The following GABRB1 variants were observed in gnomAD, a reference collection of about 807,000 sequenced individuals.
GABRB1 encodes gamma-aminobutyric acid type A receptor subunit beta1.
GABRB1 carries 17 observed loss-of-function variants against 51.6 expected under a neutral mutation model. The observed-to-expected ratio is 0.33, with a 90% CI of 0.23 to 0.49. The LOEUF (loss-of-function observed/expected upper bound fraction) is 0.49, where lower values mean the gene tolerates loss of function less well. Ranked by LOEUF, GABRB1 falls within the 20% of genes least tolerant of loss-of-function variation. The pLI is 0.99. For missense variants in GABRB1, 410 were observed against 600.6 expected, an observed-to-expected ratio of 0.68 and a Z score of 3.32; for synonymous variants, 247 against 218.9, an observed-to-expected ratio of 1.13 and a Z score of -1.14.
chr4:47,112,453 G>C (rs557536543), intron 3 of GABRB1, among the ~76,000 whole-genome samples: 1 of 152,292 alleles, frequency 6.6e-6, no homozygotes, highest in Admixed American at 6.5e-5. Flanking sequence ...AAAGTGAATG[G>C]CTTTGGAGGG....
intron 3 of GABRB1, among the ~76,000 whole-genome samples, chr4:47,034,801 G>T (rs987661159): frequency 6.6e-6 from 1 of 152,014 alleles, no homozygotes; most frequent in Non-Finnish European, 1.5e-5. Flanking sequence ...TGGTTAGCCC[G>T]CACCCCCAAA....
intron 4 of GABRB1, among the ~76,000 whole-genome samples, chr4:47,162,601 C>T (rs983869607): frequency 1.3e-5 from 2 of 152,006 alleles, no homozygotes; most frequent in African/African-American, 4.8e-5. Flanking sequence ...AAGTTGAATA[C>T]ATTTCATTTT....
chr4:47,349,068 T>G (rs1726211589), intron 5 of GABRB1, among the ~76,000 whole-genome samples: 1 of 152,130 alleles, frequency 6.6e-6, no homozygotes, highest in African/African-American at 2.4e-5. Flanking sequence ...TGTTTTAGAT[T>G]CTGAGTGGAA....
intron 5 of GABRB1, among the ~76,000 whole-genome samples, chr4:47,344,223 A>G (rs985370574): frequency 1.1e-4 from 17 of 152,210 alleles, no homozygotes; most frequent in African/African-American, 3.6e-4. Context: ...GACCTGGCTA[A>G]TGGAGAAATT....
At chr4:47,193,701 C>A (rs140522813) in intron 4 of GABRB1, among the ~76,000 whole-genome samples, 18 of 152,240 alleles carry the variant, frequency 1.2e-4, no homozygotes, top group Admixed American at 2.0e-4. Context: ...AGCATTTAGT[C>A]TAAACCTACT....
chr4:47,212,818 C>T (rs1315132588), intron 4 of GABRB1, among the ~76,000 whole-genome samples: 1 of 152,102 alleles, frequency 6.6e-6, no homozygotes, highest in Non-Finnish European at 1.5e-5. Flanking sequence ...AAGTCTATCC[C>T]CAATCCTGTC....
In GABRB1 at chr4:47,408,246, C is replaced by G. The variant is rs537230594; in HGVS notation, c.1080+1320C>G. Among the ~76,000 whole-genome samples, 13 of 152,290 alleles carry G rather than the reference C, an allele frequency of 8.5e-5. No homozygotes were observed. The South Asian group carries it at 1.0e-3, about 12-fold the overall frequency. ...TGAGAAAGAGCTAACCATGCCATGT[C>G]CATTCTAGGCAAAGGAAATAGCAAG... On this transcript the variant is annotated intron_variant, in intron 8 of 8. Coordinates refer to ENST00000295454, the MANE Select transcript of GABRB1 (RefSeq NM_000812.4).
intron 4 of GABRB1, among the ~76,000 whole-genome samples, chr4:47,266,438 T>C (rs1015156334): frequency 2.0e-5 from 3 of 152,144 alleles, no homozygotes; most frequent in Non-Finnish European, 2.9e-5. Context: ...CATTTTAGGA[T>C]TGTTTTTTCT....
At chr4:47,418,677 C>T (rs1729006498) in intron 8 of GABRB1, among the ~76,000 whole-genome samples, 1 of 152,144 alleles carries the variant, frequency 6.6e-6, no homozygotes, top group African/African-American at 2.4e-5. Context: ...CTTCTATATG[C>T]CAAGTACTTT....
chr4:47,183,345 C>CATATATATATATATATATAT (rs57840134), intron 4 of GABRB1, among the ~76,000 whole-genome samples: 1 of 124,434 alleles, frequency 8.0e-6, no homozygotes, highest in African/African-American at 3.0e-5. Context: ...TGTGTGTGTG[C>CATATATATATATATATATAT]ATATATATAT....
intron 4 of GABRB1, among the ~76,000 whole-genome samples, chr4:47,294,351 G>A (rs1277215069): frequency 1.3e-5 from 2 of 152,184 alleles, no homozygotes; most frequent in African/African-American, 2.4e-5. Context: ...CCCTTTCCTA[G>A]TCAAAGAAAG....
intron 4 of GABRB1, among the ~76,000 whole-genome samples, chr4:47,305,499 A>G (rs1467234489): frequency 1.3e-5 from 2 of 152,098 alleles, no homozygotes; most frequent in Non-Finnish European, 2.9e-5. Flanking sequence ...TACCTTACAC[A>G]TCAATTCTGT....
At chr4:47,290,487 C>T (rs930040970) in intron 4 of GABRB1, among the ~76,000 whole-genome samples, 1 of 152,012 alleles carries the variant, frequency 6.6e-6, no homozygotes. Flanking sequence ...AAAATACACT[C>T]GAAAATGTGG....
At chr4:47,226,739 T>C (rs1720955843) in intron 4 of GABRB1, among the ~76,000 whole-genome samples, 1 of 152,172 alleles carries the variant, frequency 6.6e-6, no homozygotes, top group East Asian at 1.9e-4. Flanking sequence ...ACCACATTTT[T>C]TTCTGAGTGC....
intron 2 of GABRB1, among the ~76,000 whole-genome samples, 164 bp downstream of exon 2, chr4:47,032,169 C>T (rs1725344390): frequency 6.7e-6 from 1 of 148,392 alleles, no homozygotes; most frequent in South Asian, 2.1e-4. Flanking sequence ...CACCCCGGGT[C>T]CCCAGTCTCA....
At chr4:47,283,440 C>T (rs915156504) in intron 4 of GABRB1, among the ~76,000 whole-genome samples, 3 of 128,144 alleles carry the variant, frequency 2.3e-5, no homozygotes, top group Non-Finnish European at 4.7e-5. Context: ...AGCTGGAATG[C>T]AGCCACACGA....
At chr4:47,401,511 C>G (rs1250310251) in intron 5 of GABRB1, among the ~76,000 whole-genome samples, 2 of 152,168 alleles carry the variant, frequency 1.3e-5, no homozygotes, top group Non-Finnish European at 2.9e-5. Context: ...CACCCAAGGA[C>G]TCCATGCCAC....
intron 1 of GABRB1, among the ~76,000 whole-genome samples, chr4:47,002,503 A>T (rs183603575): frequency 2.6e-4 from 40 of 152,336 alleles, no homozygotes; most frequent in African/African-American, 9.4e-4. Context: ...CATTCTAGAC[A>T]CAAATATTTT....
chr4:46,994,483 T>TGTGG (rs994017551), intron 1 of GABRB1: 1 of 141,276 alleles, frequency 7.1e-6, no homozygotes, highest in African/African-American at 2.6e-5. Context: ...TGTGTGTGTG[T>TGTGG]GAGAGAGAGA....
Sources: gnomAD v4.1 joint callset for allele counts (sites outside exome capture counted in the v4.1 genomes callset) on GRCh38, gnomAD v4.1.1 for gene constraint, MANE v1.5 for transcripts, NCBI Gene and HGNC (gene_info 2026-07-23, HGNC 2026-07-21) for gene names.